RNF144A: variants seen among roughly 807,000 people sequenced by gnomAD.
The protein encoded by RNF144A is E3 ubiquitin-protein ligase RNF144A.
In RNF144A, 11 loss-of-function variants were observed where a neutral mutation model predicts 38.7. The observed-to-expected ratio is 0.28, with a 90% confidence interval of 0.18 to 0.47. The LOEUF (loss-of-function observed/expected upper bound fraction) is 0.47, where lower values mean the gene tolerates loss of function less well. RNF144A is among the 20% of genes least tolerant of loss of function. The pLI is 0.99. For missense variants in RNF144A, 316 were observed against 377.2 expected, an observed-to-expected ratio of 0.84 and a Z score of 1.34; for synonymous variants, 149 against 143.9, an observed-to-expected ratio of 1.04 and a Z score of -0.25.
At position 7,062,497 on chromosome 2, in the gene RNF144A, T is replaced by TAAA. The variant is rs70942688; in HGVS notation, c.735-5701_735-5699dup. Among the ~76,000 whole-genome samples the TAAA allele has an allele frequency of 2.5e-4, 28 of 113,400 alleles. No homozygotes were observed. The South Asian group carries it at 2.6e-3, about 10-fold the overall frequency. The allele number at this position is 113,400 out of a possible 152,430, so 74.4% of individuals were successfully genotyped here. The stretch of plus-strand genomic sequence containing the variant: ...TGTTTTGAGAAATAGTGCTGGGTGC[T>TAAA]AAAAAAAAAAAAAAAAAAAAGAAAG... On this transcript the variant is annotated intron_variant, in intron 6 of 6. Coordinates refer to the RNF144A transcript ENST00000432850.
rs1308438681 is a variant in RNF144A, at chr2:6,943,993, G to A, written c.-12+2846G>A. Among the ~76,000 whole-genome samples the A allele has an allele frequency of 1.3e-5, 2 of 152,194 alleles. No homozygotes were observed. Among genetic ancestry groups the A allele is most frequent in the South Asian group, 4.1e-4 (2 of 4,826 alleles). On this transcript the variant is annotated intron_variant, in intron 2 of 8. Coordinates refer to ENST00000320892, the MANE Select transcript of RNF144A (RefSeq NM_014746.6). The surrounding 1 kb of genome is among the most constrained non-coding windows in gnomAD (Gnocchi z 4.3). ...TAGACAGCCCTGATGGGGAGTTGAA[G>A]TGTGCAGGAGGTCAAGGATTGAGTG...
chr2:7,020,614 C>T lies in RNF144A; in HGVS notation c.443C>T (p.Ala148Val). ...CRMEFCSTCK[A>V]SWHPGQGCPE... Reference sequence around the variant, plus strand: ...ATGGAATTCTGCTCCACCTGCAAAGCCAGCTGGCACCCTGGCCAGGGCTGC... The same window carrying T: ...ATGGAATTCTGCTCCACCTGCAAAGTCAGCTGGCACCCTGGCCAGGGCTGC... Residue 148 changes from alanine to valine, a missense_variant, in exon 6 of 9, where the codon GCC becomes GTC. Transcript: ENST00000320892. 6.2e-7 allele frequency: 1 copy of T among 1,610,464 alleles called. No homozygotes were observed. Among genetic ancestry groups the T allele is most frequent in the Non-Finnish European group, 8.5e-7 (1 of 1,179,992 alleles).
intron 3 of RNF144A, among the ~76,000 whole-genome samples, chr2:6,997,454 T>C (rs1318168651): frequency 6.6e-6 from 1 of 152,210 alleles, no homozygotes; most frequent in Non-Finnish European, 1.5e-5. Flanking sequence ...GCTAGAATAT[T>C]CAGTCCTCAG....
downstream of RNF144A, among the ~76,000 whole-genome samples, chr2:7,069,921 T>G (rs1674395880): frequency 6.6e-6 from 1 of 152,230 alleles, no homozygotes; most frequent in Non-Finnish European, 1.5e-5. Flanking sequence ...ACAGCTCTCC[T>G]GCTTGAACTT....
chr2:7,048,277 A>G (rs536129336), downstream of RNF144A, among the ~76,000 whole-genome samples: 2 of 152,308 alleles, frequency 1.3e-5, no homozygotes, highest in South Asian at 4.1e-4. Flanking sequence ...TCCAGGGGAT[A>G]AGCATCAGGT....
rs147156105 is a variant in RNF144A at position 7,011,019 on chromosome 2, C to T, written c.136-3435C>T. Among the ~76,000 whole-genome samples the T allele has an allele frequency of 5.6e-3, 854 of 152,230 alleles. 5 individuals carry two copies. The highest frequency in any genetic ancestry group is 0.019 in the African/African-American group (807 of 41,518). On this transcript the variant is annotated intron_variant, in intron 3 of 8. Transcript: ENST00000320892. ...CATGAACATACAAAGGAGAGGTTCTCGGGGTTGACTGACACTATGCCCCTT... is the reference window on the plus strand; with the variant it reads ...CATGAACATACAAAGGAGAGGTTCTTGGGGTTGACTGACACTATGCCCCTT...
chr2:7,063,912 G>C (rs999957554), intron 6 of RNF144A, among the ~76,000 whole-genome samples: 6 of 152,170 alleles, frequency 3.9e-5, no homozygotes, highest in African/African-American at 7.2e-5. Context: ...AATTTATTAA[G>C]AAAAGTTTAT....
Position 7,039,794 on chromosome 2 carries a change from C to A in RNF144A, c.*34C>A, listed in dbSNP as rs201740884. The stretch of plus-strand genomic sequence containing the variant: ...CGATGCTGGAACACATCCCTGCCTC[C>A]GGGAAGTGTGGCTCTCCCCCAACCC... On this transcript the variant is annotated 3_prime_UTR_variant, in exon 9 of 9. Coordinates refer to ENST00000320892, the MANE Select transcript of RNF144A (RefSeq NM_014746.6). 5 of 1,607,338 alleles carry A rather than the reference C, an allele frequency of 3.1e-6. No individual in the cohort carries two copies. Among genetic ancestry groups the A allele is most frequent in the Non-Finnish European group, 4.2e-6 (5 of 1,176,564 alleles).
chr2:7,042,170 A>G lies in RNF144A; in HGVS notation c.*2410A>G. 1.0e-6 allele frequency: 1 copy of G among 985,208 alleles called. No homozygotes were observed. Among genetic ancestry groups the G allele is most frequent in the Non-Finnish European group, 1.2e-6 (1 of 829,766 alleles). 61.0% of individuals were successfully genotyped at this position (985,208 alleles called of 1,614,324 possible). ...AGCAAGATCACTCTGAGATACATAA[A>G]CTCGCATTTCCTTCTGTTTTAGTAA... On this transcript the variant is annotated 3_prime_UTR_variant, in exon 9 of 9. Coordinates refer to ENST00000320892, the MANE Select transcript of RNF144A (RefSeq NM_014746.6).
At chr2:7,004,492 G>A (rs1403896218) in intron 3 of RNF144A, among the ~76,000 whole-genome samples, 1 of 152,206 alleles carries the variant, frequency 6.6e-6, no homozygotes, top group Admixed American at 6.5e-5. Context: ...AGATGGCCAA[G>A]ATGGGCAGAG....
intron 2 of RNF144A, among the ~76,000 whole-genome samples, chr2:6,970,159 G>C (rs1667917753): frequency 6.6e-6 from 1 of 152,278 alleles, no homozygotes; most frequent in Non-Finnish European, 1.5e-5. Flanking sequence ...ATATGGTTTG[G>C]CTTTGTGTCC....
At chr2:7,005,345 A>G (rs1266000419) in intron 3 of RNF144A, among the ~76,000 whole-genome samples, 2 of 152,184 alleles carry the variant, frequency 1.3e-5, no homozygotes, top group Non-Finnish European at 2.9e-5. Flanking sequence ...TGGGCTTCCC[A>G]GGCCTCTCTT....
intron 6 of RNF144A, among the ~76,000 whole-genome samples, chr2:7,066,774 G>T (rs1222963357): frequency 6.6e-6 from 1 of 152,190 alleles, no homozygotes; most frequent in East Asian, 1.9e-4. Context: ...AATAAAGAGT[G>T]TCACTTCCTG....
chr2:6,920,857 A>C (rs375516622), intron 1 of RNF144A, among the ~76,000 whole-genome samples: 1 of 152,322 alleles, frequency 6.6e-6, no homozygotes. Context: ...GGGCTGAAGG[A>C]TAGAGCTTAT....
At chr2:7,072,012 G>A (rs1674502207), downstream of RNF144A, among the ~76,000 whole-genome samples, 1 of 152,176 alleles carries the variant, frequency 6.6e-6, no homozygotes, top group Admixed American at 6.5e-5. Context: ...AATCCCCCAC[G>A]TTGCCTAAGC....
At chr2:7,022,312 A>C (rs1388324438) in intron 6 of RNF144A, among the ~76,000 whole-genome samples, 1 of 152,234 alleles carries the variant, frequency 6.6e-6, no homozygotes, top group Non-Finnish European at 1.5e-5. Flanking sequence ...ACTCATTAGC[A>C]TCACCTGCGC....
chr2:6,920,480 C>T (rs768370119), intron 1 of RNF144A, among the ~76,000 whole-genome samples: 27 of 152,190 alleles, frequency 1.8e-4, no homozygotes, highest in Non-Finnish European at 2.1e-4. Context: ...AGGATGAAGC[C>T]GTGCTCGCTG....
At chr2:7,045,997 T>C (rs1673294752), downstream of RNF144A, among the ~76,000 whole-genome samples, 1 of 152,114 alleles carries the variant, frequency 6.6e-6, no homozygotes, top group African/African-American at 2.4e-5. Context: ...TTTCTAAAAA[T>C]TGAAAAAGAA....
chr2:6,969,033 G>A (rs915357151), intron 2 of RNF144A, among the ~76,000 whole-genome samples: 1 of 152,188 alleles, frequency 6.6e-6, no homozygotes, highest in African/African-American at 2.4e-5. Context: ...TAGCCAATAG[G>A]TTAGGTAATA....
Sources: gnomAD v4.1 joint callset for allele counts (sites outside exome capture counted in the v4.1 genomes callset) on GRCh38, gnomAD v4.1.1 for gene constraint, Gnocchi (gnomAD v3.1) non-coding constraint, MANE v1.5 for transcripts, NCBI Gene and HGNC (gene_info 2026-07-23, HGNC 2026-07-21) for gene names.